CPNE4: variants seen among roughly 807,000 people sequenced by gnomAD.
The protein encoded by CPNE4 is copine-4.
CPNE4 carries 25 observed loss-of-function variants against 67.9 expected under a neutral mutation model. The ratio of observed to expected loss-of-function variants is 0.37; its 90% CI spans 0.27 to 0.51. The LOEUF is 0.51. Among genes scored for constraint, CPNE4 ranks in the 20% least tolerant of loss-of-function variants. The pLI is 0.93. For missense variants in CPNE4, 464 were observed against 690.8 expected, an observed-to-expected ratio of 0.67 and a Z score of 3.68; for synonymous variants, 242 against 244.9, an observed-to-expected ratio of 0.99 and a Z score of 0.11.
chr3:131,978,087 A>G (rs1437009795), intron 1 of CPNE4, among the ~76,000 whole-genome samples: 2 of 32,200 alleles, frequency 6.2e-5, no homozygotes, highest in South Asian at 1.4e-3. Flanking sequence ...AAATATATAT[A>G]AATATATATA....
At chr3:131,606,609 G>A (rs1939523091) in intron 7 of CPNE4, among the ~76,000 whole-genome samples, 1 of 152,132 alleles carries the variant, frequency 6.6e-6, no homozygotes, top group Non-Finnish European at 1.5e-5. Flanking sequence ...TGGGCTGAAT[G>A]TCTAGTTTAT....
At chr3:131,653,689 C>T (rs373125007) in intron 7 of CPNE4, among the ~76,000 whole-genome samples, 1 of 152,178 alleles carries the variant, frequency 6.6e-6, no homozygotes, top group Admixed American at 6.5e-5. Flanking sequence ...GGTCTCCTCC[C>T]CAACACGTTA....
chr3:132,029,649 G>T (rs2074195939), intron 1 of CPNE4, among the ~76,000 whole-genome samples: 1 of 152,174 alleles, frequency 6.6e-6, no homozygotes, highest in Admixed American at 6.5e-5. Flanking sequence ...TGGTCAATAA[G>T]CCTTAAACCT....
At chr3:131,688,741 A>G (rs1285280756) in intron 5 of CPNE4, among the ~76,000 whole-genome samples, 1 of 152,228 alleles carries the variant, frequency 6.6e-6, no homozygotes, top group African/African-American at 2.4e-5. Context: ...TGAAAAATAT[A>G]GAAAACAGAT....
intron 10 of CPNE4, among the ~76,000 whole-genome samples, chr3:131,572,808 C>T (rs1937402504): frequency 2.0e-5 from 3 of 151,974 alleles, no homozygotes; most frequent in African/African-American, 4.8e-5. Flanking sequence ...AATGAAACAT[C>T]CCTTTTCTCT....
chr3:131,677,415 C>T (rs2080607779), intron 6 of CPNE4, among the ~76,000 whole-genome samples: 1 of 151,922 alleles, frequency 6.6e-6, no homozygotes, highest in African/African-American at 2.4e-5. Context: ...TCTTTTGCTG[C>T]ATAGGAGCTC....
At chr3:131,689,855 A>G (rs1020017172) in intron 5 of CPNE4, among the ~76,000 whole-genome samples, 2 of 152,202 alleles carry the variant, frequency 1.3e-5, no homozygotes, top group African/African-American at 4.8e-5. Flanking sequence ...GATCTTCAGC[A>G]AAGTTTCCGA....
At chr3:131,851,106 TATG>T (rs143774255) in intron 2 of CPNE4, among the ~76,000 whole-genome samples, 95,487 of 151,376 alleles carry the variant, frequency 0.63, 30,282 homozygotes, top group Admixed American at 0.71. Flanking sequence ...ATAGCATTTA[TATG>T]ATATTTTAGA....
chr3:131,690,087 A>T (rs1351784977), intron 5 of CPNE4, among the ~76,000 whole-genome samples: 1 of 152,224 alleles, frequency 6.6e-6, no homozygotes, highest in East Asian at 1.9e-4. Context: ...GATCGGAAGA[A>T]TCAATATTGC....
At chr3:131,732,219 T>C (rs748194934) in intron 2 of CPNE4, among the ~76,000 whole-genome samples, 7 of 152,220 alleles carry the variant, frequency 4.6e-5, no homozygotes, top group African/African-American at 2.4e-5. Context: ...CTGCTGCTTA[T>C]GTCACTATAG....
intron 6 of CPNE4, among the ~76,000 whole-genome samples, chr3:131,681,156 C>A: frequency 6.6e-6 from 1 of 152,186 alleles, no homozygotes; most frequent in East Asian, 1.9e-4. Context: ...ACCCTTTCTA[C>A]TCAAAATATT....
intron 2 of CPNE4, among the ~76,000 whole-genome samples, chr3:131,775,172 C>T (rs1002570989): frequency 6.6e-6 from 1 of 152,080 alleles, no homozygotes; most frequent in African/African-American, 2.4e-5. Flanking sequence ...AAAGAAGGCC[C>T]TGTGAAATGG....
intron 7 of CPNE4, among the ~76,000 whole-genome samples, chr3:131,613,618 T>C (rs1939971318): frequency 1.3e-5 from 2 of 152,214 alleles, no homozygotes; most frequent in Admixed American, 6.5e-5. Flanking sequence ...ATGTGCTCTG[T>C]AAACCTAAGT....
At chr3:131,596,774 C>T (rs961636961) in intron 7 of CPNE4, among the ~76,000 whole-genome samples, 4 of 151,982 alleles carry the variant, frequency 2.6e-5, no homozygotes, top group African/African-American at 9.7e-5. Flanking sequence ...GGATCTTTAG[C>T]TCCTGCCCTA....
At chr3:131,626,266 A>T (rs56322330) in intron 7 of CPNE4, among the ~76,000 whole-genome samples, 41,947 of 152,172 alleles carry the variant, frequency 0.28, 9,537 homozygotes, top group African/African-American at 0.63. Context: ...GGGGAAGGCA[A>T]GTCAAAAGCC....
chr3:131,568,743 A>G (rs991107785), intron 10 of CPNE4, among the ~76,000 whole-genome samples: 4 of 152,080 alleles, frequency 2.6e-5, no homozygotes, highest in African/African-American at 9.7e-5. Flanking sequence ...CTGGTTGCAA[A>G]TGATGAGCAT....
intron 3 of CPNE4, among the ~76,000 whole-genome samples, chr3:131,720,309 C>G (rs147455369): frequency 7.9e-6 from 1 of 126,938 alleles, no homozygotes; most frequent in Non-Finnish European, 1.6e-5. Context: ...TTTTTTGAGA[C>G]GGAGTCTCAC....
At chr3:131,928,252 T>C (rs1397832671) in intron 1 of CPNE4, among the ~76,000 whole-genome samples, 3 of 152,202 alleles carry the variant, frequency 2.0e-5, no homozygotes, top group African/African-American at 7.2e-5. Flanking sequence ...TATACCATAA[T>C]TAATGTATAC....
At chr3:131,782,274 CA>C (rs2083447862) in intron 2 of CPNE4, among the ~76,000 whole-genome samples, 1 of 152,018 alleles carries the variant, frequency 6.6e-6, no homozygotes, top group African/African-American at 2.4e-5. Flanking sequence ...TGAAAGGAAA[CA>C]GCCAATGCAA....
Sources: gnomAD v4.1 joint callset for allele counts (sites outside exome capture counted in the v4.1 genomes callset) on GRCh38, gnomAD v4.1.1 for gene constraint, MANE v1.5 for transcripts, NCBI Gene and HGNC (gene_info 2026-07-23, HGNC 2026-07-21) for gene names.